EPB41L1: variants seen among roughly 807,000 people sequenced by gnomAD.
The protein encoded by EPB41L1 is erythrocyte membrane protein band 4.1 like 1, also known as band 4.1-like protein 1.
EPB41L1 carries 29 observed loss-of-function variants against 97.8 expected under a neutral mutation model. The observed-to-expected ratio is 0.30, with a 90% CI of 0.22 to 0.40. The LOEUF (loss-of-function observed/expected upper bound fraction) is 0.40. Among genes scored for constraint, EPB41L1 ranks in the 10% least tolerant of loss-of-function variants. The probability of loss-of-function intolerance (pLI) is 1.00; values close to 1 mark genes in which losing one functional copy is unlikely to be tolerated. For missense variants in EPB41L1, 812 were observed against 1,162.3 expected, an observed-to-expected ratio of 0.70 and a Z score of 4.38; for synonymous variants, 383 against 459.2, an observed-to-expected ratio of 0.83 and a Z score of 2.12.
chr20:36,200,182 C>T (rs534810897), intron 14 of EPB41L1, among the ~76,000 whole-genome samples: 3 of 152,228 alleles, frequency 2.0e-5, no homozygotes, highest in East Asian at 1.9e-4. Context: ...CTTTTTGAGC[C>T]GCATTGCCTA....
intron 3 of EPB41L1, among the ~76,000 whole-genome samples, chr20:36,176,781 G>A (rs929428500): frequency 2.0e-5 from 3 of 151,634 alleles, no homozygotes; most frequent in Non-Finnish European, 4.4e-5. Flanking sequence ...ACAGGTGCCC[G>A]CCACCACACC....
chr20:36,150,458 T>A (rs535996930), upstream of EPB41L1: 2 of 152,286 alleles, frequency 1.3e-5, no homozygotes, highest in South Asian at 4.2e-4. Flanking sequence ...TTTCAAGTGC[T>A]CCATAGCAAC....
Position 36,114,281 on chromosome 20 carries a change from C to A in EPB41L1, c.-10+1801C>A, listed in dbSNP as rs149998779. Among the ~76,000 whole-genome samples the A allele has an allele frequency of 7.6e-3, 1,161 of 152,246 alleles. 27 individuals are homozygous for A. The highest frequency in any genetic ancestry group is 0.026 in the African/African-American group (1,078 of 41,540). On this transcript the variant is annotated intron_variant, in intron 2 of 19. Transcript: ENST00000202028. ...TAGCAGAACTTGTCTGGTTCTGGGG[C>A]AGTTTACCCAGAATTTTGCCCTCCT...
rs1298721646 is a variant in EPB41L1 at position 36,207,292 on chromosome 20, A to G, written c.1669-2196A>G. The G allele has an allele frequency of 7.8e-7, 1 of 1,282,466 alleles. No homozygotes were observed. Among genetic ancestry groups the G allele is most frequent in the East Asian group, 5.6e-5 (1 of 17,898 alleles). The allele number at this position is 1,282,466 out of a possible 1,614,324, so 79.4% of individuals were successfully genotyped here. ...AGGAGGTGAGCGCAGGCCTCCTCCC[A>G]TCACCAGCAGAAAGCCCAGAGTAGT... On this transcript the variant is annotated intron_variant, in intron 14 of 21. Coordinates refer to ENST00000338074, the MANE Select transcript of EPB41L1 (RefSeq NM_012156.2). The surrounding 1 kb of genome is among the most constrained non-coding windows in gnomAD (Gnocchi z 4.9).
intron 1 of EPB41L1, among the ~76,000 whole-genome samples, chr20:36,171,839 T>TG (rs1346520432): frequency 6.6e-6 from 1 of 152,122 alleles, no homozygotes; most frequent in East Asian, 1.9e-4. Context: ...GGAGAGGGCG[T>TG]GCCATGCCAG....
chr20:36,110,457 CAG>C (rs1229907109), intron 1 of EPB41L1, among the ~76,000 whole-genome samples: 2 of 152,140 alleles, frequency 1.3e-5, no homozygotes, highest in African/African-American at 2.4e-5. Context: ...GCCCAGTCCC[CAG>C]AGAGGGCTTC....
rs1235624623 is a variant in EPB41L1 at position 36,092,088 on chromosome 20, G to T, written c.-65+476G>T. Among the ~76,000 whole-genome samples the T allele has an allele frequency of 6.6e-6, 1 of 152,188 alleles. No homozygotes were observed. Among genetic ancestry groups the T allele is most frequent in the Non-Finnish European group, 1.5e-5 (1 of 68,014 alleles). ...GTCCAGAGGTTGCCACCTGCGAGGGGCTGGAACGCACTGGGCTATCCTCCG... is the reference window on the plus strand; with the variant it reads ...GTCCAGAGGTTGCCACCTGCGAGGGTCTGGAACGCACTGGGCTATCCTCCG... On this transcript the variant is annotated intron_variant, in intron 1 of 19. Transcript: ENST00000202028. This position sits in a 1 kb window ranked among gnomAD's most constrained non-coding sequence, Gnocchi z 7.0.
intron 14 of EPB41L1, among the ~76,000 whole-genome samples, chr20:36,199,922 C>G (rs1161085755): frequency 1.3e-5 from 2 of 152,086 alleles, no homozygotes; most frequent in African/African-American, 4.8e-5. Context: ...GCCCCACCTG[C>G]TGGTGATAGC....
Position 36,212,937 on chromosome 20 carries a change from C to G in EPB41L1, c.2184+561C>G, listed in dbSNP as rs1463331201. Among the ~76,000 whole-genome samples, 3 of 152,250 alleles carry G rather than the reference C, an allele frequency of 2.0e-5. No individual in the cohort carries two copies. The highest frequency in any genetic ancestry group is 4.4e-5 in the Non-Finnish European group (3 of 68,050). On this transcript the variant is annotated intron_variant, in intron 16 of 21. Coordinates refer to ENST00000338074, the MANE Select transcript of EPB41L1 (RefSeq NM_012156.2). The surrounding 1 kb of genome is among the most constrained non-coding windows in gnomAD (Gnocchi z 4.8). ...TGACCACCTGGAGAAAGCCGTCAGG[C>G]ATAGGCACAGGCCCACGACTTCCAG...
chr20:36,230,856 A>C lies in EPB41L1; in HGVS notation c.*1516A>C, dbSNP rs2064462245. On this transcript the variant is annotated 3_prime_UTR_variant, in exon 22 of 22. Coordinates refer to ENST00000338074, the MANE Select transcript of EPB41L1 (RefSeq NM_012156.2). ...ATATCCAAAGGGAGGTGGTGCTCTCAGCCATTGTAGAAGATGGTGGCTTTA... is the reference window on the plus strand; with the variant it reads ...ATATCCAAAGGGAGGTGGTGCTCTCCGCCATTGTAGAAGATGGTGGCTTTA... 1 of 151,174 alleles carries C rather than the reference A, an allele frequency of 6.6e-6. No individual in the cohort carries two copies. The highest frequency in any genetic ancestry group is 2.4e-5 in the African/African-American group (1 of 40,996). The allele number at this position is 151,174 out of a possible 1,614,324, so 9.4% of individuals were successfully genotyped here.
rs1337652571 is a variant in EPB41L1 at position 36,190,817 on chromosome 20, G to T, written c.1300+20G>T. ...ATGGAGGTATGGCCCAAATTGGAGG[G>T]CTGGGCGGGGAATGGTCTTCAGAGG... On this transcript the variant is annotated intron_variant, in intron 11 of 21. Coordinates refer to ENST00000338074, the MANE Select transcript of EPB41L1 (RefSeq NM_012156.2). This position sits in a 1 kb window ranked among gnomAD's most constrained non-coding sequence, Gnocchi z 5.8. 6.2e-7 allele frequency: 1 copy of T among 1,611,980 alleles called. No individual in the cohort carries two copies.
intron 3 of EPB41L1, 25 bp from the exon 4 acceptor site, chr20:36,177,927 A>G: frequency 6.3e-7 from 1 of 1,599,450 alleles, no homozygotes; most frequent in Non-Finnish European, 8.6e-7. Flanking sequence ...CTTCAGCCTC[A>G]TAGCTGCTCT....
At chr20:36,200,826 C>G in intron 14 of EPB41L1, 1 of 452,676 alleles carries the variant, frequency 2.2e-6, no homozygotes, top group Non-Finnish European at 4.4e-6. Context: ...TCTCTCCTTC[C>G]CTTCCTCCCT....
rs2057859153 is a variant in EPB41L1, at chr20:36,097,192, C to A, written c.-65+5580C>A. 2.0e-5 allele frequency among the ~76,000 whole-genome samples: 3 copies of A among 152,350 alleles called. No homozygotes were observed. In the South Asian group the frequency reaches 6.2e-4, roughly 32 times the overall value. On this transcript the variant is annotated intron_variant, in intron 1 of 19. Coordinates refer to the EPB41L1 transcript ENST00000202028. ...TTGTTATGTGACTGAGGGCCAATCA[C>A]TTTCCCCTTTTGGCACGTGTCCATC...
At chr20:36,189,060 A>G (rs1255528848) in intron 9 of EPB41L1, among the ~76,000 whole-genome samples, 1 of 152,162 alleles carries the variant, frequency 6.6e-6, no homozygotes, top group East Asian at 1.9e-4. Flanking sequence ...AAATGCAAAC[A>G]TGTATATGTC....
intron 2 of EPB41L1, chr20:36,148,750 G>A (rs2059931906): frequency 6.6e-6 from 1 of 152,306 alleles, no homozygotes; most frequent in African/African-American, 2.4e-5. Context: ...ACATGTACAG[G>A]GGGCTTGGCT....
At chr20:36,175,769 C>T in intron 3 of EPB41L1, 54 bp downstream of exon 3, 1 of 1,601,026 alleles carries the variant, frequency 6.2e-7, no homozygotes, top group Non-Finnish European at 8.5e-7. Flanking sequence ...AGCCTCAGGT[C>T]CAGGGCAGGC....
intron 1 of EPB41L1, chr20:36,155,790 T>C: frequency 2.6e-6 from 1 of 384,126 alleles, no homozygotes; most frequent in African/African-American, 2.1e-5. Flanking sequence ...GTTCCCACAT[T>C]CACTTCTGGA....
chr20:36,131,243 G>A (rs1314843201), intron 2 of EPB41L1, among the ~76,000 whole-genome samples: 1 of 152,020 alleles, frequency 6.6e-6, no homozygotes, highest in Non-Finnish European at 1.5e-5. Flanking sequence ...CCAAAGTGCT[G>A]GGATTTCAGG....
Sources: gnomAD v4.1 joint callset for allele counts (sites outside exome capture counted in the v4.1 genomes callset) on GRCh38, gnomAD v4.1.1 for gene constraint, Gnocchi (gnomAD v3.1) non-coding constraint, MANE v1.5 for transcripts, NCBI Gene and HGNC (gene_info 2026-07-23, HGNC 2026-07-21) for gene names.